UBR2: variants seen among roughly 807,000 people sequenced by gnomAD.
UBR2 encodes the protein E3 ubiquitin-protein ligase UBR2.
UBR2 carries 92 observed loss-of-function variants against 247.9 expected under a neutral mutation model. The observed-to-expected ratio is 0.37, with a 90% CI of 0.31 to 0.44. The LOEUF is 0.44. Ranked by LOEUF, UBR2 falls within the 20% of genes least tolerant of loss-of-function variation. The pLI is 1.00. For synonymous variants in UBR2, 672 were observed against 693.5 expected, an observed-to-expected ratio of 0.97 and a Z score of 0.49; for missense variants, 1,613 against 2,112.6, an observed-to-expected ratio of 0.76 and a Z score of 4.64.
chr6:42,676,291 C>A, intron 39 of UBR2, 100 bp downstream of exon 39: 1 of 1,303,114 alleles, frequency 7.7e-7, no homozygotes, highest in Non-Finnish European at 1.0e-6. Flanking sequence ...GAGAATAACA[C>A]ATGAATAAGG....
At chr6:42,571,167 T>G (rs953614749) in intron 1 of UBR2, among the ~76,000 whole-genome samples, 1 of 136,232 alleles carries the variant, frequency 7.3e-6, no homozygotes, top group Non-Finnish European at 1.5e-5. Context: ...GGCGTGAACC[T>G]GGGAGGCGGA....
chr6:42,687,636 G>T (rs901597927), intron 44 of UBR2, among the ~76,000 whole-genome samples: 1 of 152,176 alleles, frequency 6.6e-6, no homozygotes, highest in East Asian at 1.9e-4. Context: ...CGCCTCCCAG[G>T]TTCAAGTGAT....
At chr6:42,595,679 G>A (rs1008707193) in intron 4 of UBR2, among the ~76,000 whole-genome samples, 8 of 150,600 alleles carry the variant, frequency 5.3e-5, no homozygotes, top group Admixed American at 3.3e-4. Context: ...AGCCATAGGA[G>A]GCAGAGGTTG....
intron 16 of UBR2, among the ~76,000 whole-genome samples, chr6:42,641,139 T>C (rs970810868): frequency 3.9e-5 from 6 of 152,136 alleles, no homozygotes; most frequent in African/African-American, 1.4e-4. Flanking sequence ...TATATAAAAC[T>C]AACCATCACA....
At chr6:42,603,188 A>G (rs1793497039) in intron 4 of UBR2, among the ~76,000 whole-genome samples, 1 of 152,218 alleles carries the variant, frequency 6.6e-6, no homozygotes, top group Non-Finnish European at 1.5e-5. Context: ...TTATACCTAT[A>G]AAACTCAATA....
At chr6:42,680,276 G>A (rs987479374) in intron 42 of UBR2, among the ~76,000 whole-genome samples, 4 of 152,110 alleles carry the variant, frequency 2.6e-5, no homozygotes, top group Non-Finnish European at 4.4e-5. Flanking sequence ...GTGAGCCACC[G>A]CACCTGGCCT....
intron 2 of UBR2, among the ~76,000 whole-genome samples, chr6:42,576,404 A>T (rs949740197): frequency 1.3e-5 from 2 of 152,084 alleles, no homozygotes; most frequent in African/African-American, 4.8e-5. Flanking sequence ...TTGCTTATTT[A>T]ATTATTCCCC....
intron 8 of UBR2, among the ~76,000 whole-genome samples, chr6:42,614,314 GTATGTATATA>G (rs1794325263): frequency 8.3e-6 from 1 of 120,784 alleles, no homozygotes; most frequent in Admixed American, 8.9e-5. Context: ...GCGTATATGG[GTATGTATATA>G]TGTGTATATG....
intron 17 of UBR2, among the ~76,000 whole-genome samples, 170 bp from the exon 18 acceptor site, chr6:42,642,246 A>C (rs1165587776): frequency 6.6e-6 from 1 of 152,228 alleles, no homozygotes; most frequent in Non-Finnish European, 1.5e-5. Flanking sequence ...GACCACTGTA[A>C]TGTGAAAATC....
At chr6:42,614,204 AAC>A (rs1345127310) in intron 8 of UBR2, among the ~76,000 whole-genome samples, 22,848 of 57,936 alleles carry the variant, frequency 0.39, 4,194 homozygotes, top group Non-Finnish European at 0.42. Context: ...AAAAAAAAAA[AAC>A]TATATATATA....
chr6:42,687,406 G>C (rs945611299), intron 44 of UBR2, among the ~76,000 whole-genome samples: 1 of 152,248 alleles, frequency 6.6e-6, no homozygotes, highest in African/African-American at 2.4e-5. Context: ...ATCAGGCAGG[G>C]AGGTTGCAGT....
intron 16 of UBR2, 131 bp from the exon 17 acceptor site, chr6:42,641,451 A>T (rs1796440211): frequency 1.0e-5 from 6 of 596,802 alleles, no homozygotes; most frequent in South Asian, 4.6e-5. Flanking sequence ...CTGTCTCAAA[A>T]AATAATAATA....
intron 1 of UBR2, among the ~76,000 whole-genome samples, chr6:42,568,073 A>T (rs1255107923): frequency 6.6e-6 from 1 of 152,126 alleles, no homozygotes; most frequent in Non-Finnish European, 1.5e-5. Flanking sequence ...TTAATAAATA[A>T]TGAATTTGTT....
intron 3 of UBR2, among the ~76,000 whole-genome samples, chr6:42,593,332 A>G (rs1792782634): frequency 6.6e-6 from 1 of 152,126 alleles, no homozygotes; most frequent in African/African-American, 2.4e-5. Context: ...CATTTTCCAA[A>G]TGACTCCTAC....
Position 42,658,633 on chromosome 6 carries a change from A to G in UBR2, c.3064-13A>G. 6.3e-7 allele frequency: 1 copy of G among 1,590,056 alleles called. No individual in the cohort carries two copies. Among genetic ancestry groups the G allele is most frequent in the Non-Finnish European group, 8.5e-7 (1 of 1,172,660 alleles). On this transcript the variant is annotated splice_polypyrimidine_tract_variant and intron_variant, in intron 28 of 46. Coordinates refer to ENST00000372901, the MANE Select transcript of UBR2 (RefSeq NM_001363705.2). Reference sequence around the variant, plus strand: ...AGCATCTAATTGTCTAATTGAATGGAGCATAATTTCAGAGTTCAAGGGACA... The same window carrying G: ...AGCATCTAATTGTCTAATTGAATGGGGCATAATTTCAGAGTTCAAGGGACA...
At chr6:42,630,127 C>CAGT in intron 11 of UBR2, among the ~76,000 whole-genome samples, 1 of 147,456 alleles carries the variant, frequency 6.8e-6, no homozygotes, top group African/African-American at 2.6e-5. Flanking sequence ...GTAGTAGTAG[C>CAGT]AGTAGCAGTA....
intron 42 of UBR2, 109 bp from the exon 43 acceptor site, chr6:42,682,946 T>A (rs1190466551): frequency 1.0e-5 from 9 of 866,198 alleles, no homozygotes; most frequent in Non-Finnish European, 1.6e-5. Flanking sequence ...GAAGTAAATA[T>A]GTTAGGTCAA....
chr6:42,582,873 A>AT (rs2151910452), intron 2 of UBR2, among the ~76,000 whole-genome samples: 1 of 152,118 alleles, frequency 6.6e-6, no homozygotes, highest in South Asian at 2.1e-4. Context: ...TTAAAAAAAA[A>AT]GTCAGTGCGT....
Position 42,615,131 on chromosome 6 carries a change from C to A in UBR2, c.1046C>A (p.Ser349Tyr). Reference sequence around the variant, plus strand: ...CAAGAAGGGCCAGATGGTGAAAACTCTTCTCTAGTGGACAGACTGATGCTT... The same window carrying A: ...CAAGAAGGGCCAGATGGTGAAAACTATTCTCTAGTGGACAGACTGATGCTT... Reference protein sequence around the residue: ...GLQEGPDGENSSLVDRLMLSD... With the variant: ...GLQEGPDGENYSLVDRLMLSD... Residue 349 changes from serine (S) to tyrosine (Y), a missense_variant, in exon 9 of 47, where the codon TCT (serine) becomes TAT (tyrosine). Ser to Tyr is a moderately radical substitution (Grantham distance 144, BLOSUM62 -2). Coordinates refer to ENST00000372901, the MANE Select transcript of UBR2 (RefSeq NM_001363705.2). 1.2e-6 allele frequency: 2 copies of A among 1,613,680 alleles called. No homozygotes were observed. Among genetic ancestry groups the A allele is most frequent in the South Asian group, 2.2e-5 (2 of 90,966 alleles).
Sources: gnomAD v4.1 joint callset for allele counts (sites outside exome capture counted in the v4.1 genomes callset) on GRCh38, gnomAD v4.1.1 for gene constraint, MANE v1.5 for transcripts, NCBI Gene and HGNC (gene_info 2026-07-23, HGNC 2026-07-21) for gene names.